MTHFD1L: variants seen among roughly 807,000 people sequenced by gnomAD.
The protein encoded by MTHFD1L is monofunctional C1-tetrahydrofolate synthase, mitochondrial.
Under a neutral mutation model 119.5 loss-of-function variants are expected in MTHFD1L, and 81 were observed. The ratio of observed to expected loss-of-function variants is 0.68; its 90% CI spans 0.57 to 0.82. The LOEUF (loss-of-function observed/expected upper bound fraction) is 0.82. MTHFD1L is among the 40% of genes least tolerant of loss of function. MTHFD1L has a pLI of 0.00. For missense variants in MTHFD1L, 1,125 were observed against 1,253.4 expected (o/e 0.90, Z 1.55); for synonymous variants, 430 against 475.2 (o/e 0.90, Z 1.24).
At chr6:151,042,998 G>A (rs557505456) in intron 26 of MTHFD1L, among the ~76,000 whole-genome samples, 3 of 152,288 alleles carry the variant, frequency 2.0e-5, no homozygotes, top group African/African-American at 7.2e-5. Context: ...GCCATCACCT[G>A]GCCGGTCCTG....
intron 27 of MTHFD1L, among the ~76,000 whole-genome samples, chr6:151,098,679 C>A (rs890543892): frequency 6.6e-6 from 1 of 152,170 alleles, no homozygotes; most frequent in Non-Finnish European, 1.5e-5. Context: ...TTCTTATTCC[C>A]ATGCCAGAAT....
intron 5 of MTHFD1L, among the ~76,000 whole-genome samples, chr6:150,884,048 G>A (rs999154092): frequency 6.6e-6 from 1 of 151,882 alleles, no homozygotes; most frequent in African/African-American, 2.4e-5. Context: ...GCTCACACCT[G>A]TAATCCTAGC....
intron 8 of MTHFD1L, among the ~76,000 whole-genome samples, chr6:150,909,002 G>A (rs1786405983): frequency 6.6e-6 from 1 of 152,010 alleles, no homozygotes. Context: ...TTACCTTCAT[G>A]GTACAGAGTC....
chr6:150,917,136 T>A (rs1256050812), intron 8 of MTHFD1L, among the ~76,000 whole-genome samples: 1 of 152,142 alleles, frequency 6.6e-6, no homozygotes, highest in African/African-American at 2.4e-5. Context: ...CTTTGACCAG[T>A]CTTACCCTGT....
chr6:150,957,957 T>A (rs1795883432), intron 17 of MTHFD1L, among the ~76,000 whole-genome samples: 1 of 152,154 alleles, frequency 6.6e-6, no homozygotes, highest in South Asian at 2.1e-4. Context: ...CTCTGCATAG[T>A]TTTTTACTGT....
rs575297806 is a variant in MTHFD1L at position 151,030,775 on chromosome 6, A to G, written c.2587-3718A>G. 6.6e-5 allele frequency among the ~76,000 whole-genome samples: 10 copies of G among 152,344 alleles called. No homozygotes were observed. The South Asian group carries it at 1.9e-3, about 28-fold the overall frequency. ...TTCAACTGTATAGGGAGGGCCTTGT[A>G]TATATTCCAGGGGCTGTATCCTATC... On this transcript the variant is annotated intron_variant, in intron 24 of 27. Transcript: ENST00000367321.
chr6:151,043,698 T>A (rs573163845), intron 26 of MTHFD1L, among the ~76,000 whole-genome samples: 5 of 152,280 alleles, frequency 3.3e-5, no homozygotes, highest in Non-Finnish European at 1.5e-5. Flanking sequence ...GAACTTAGAA[T>A]ACGCACCCTT....
At chr6:150,942,892 A>G (rs937619607) in intron 13 of MTHFD1L, among the ~76,000 whole-genome samples, 1 of 152,218 alleles carries the variant, frequency 6.6e-6, no homozygotes, top group African/African-American at 2.4e-5. Context: ...ATTATTTCTT[A>G]GTCTAAAAGT....
At chr6:151,022,098 C>T (rs369550005) in intron 24 of MTHFD1L, 8 of 470,714 alleles carry the variant, frequency 1.7e-5, no homozygotes, top group South Asian at 6.2e-5. Flanking sequence ...AGCCTGGAGC[C>T]GCAGCCAGCT....
At chr6:150,974,133 G>A (rs9478879) in intron 20 of MTHFD1L, among the ~76,000 whole-genome samples, 29,282 of 152,130 alleles carry the variant, frequency 0.19, 2,914 homozygotes, top group Middle Eastern at 0.3. Context: ...CTGCTTTCAA[G>A]TCACAGATAA....
chr6:151,089,340 G>A (rs1002541622), intron 26 of MTHFD1L, among the ~76,000 whole-genome samples: 5 of 152,214 alleles, frequency 3.3e-5, no homozygotes, highest in Non-Finnish European at 4.4e-5. Flanking sequence ...AGTGGCTCAC[G>A]CCTGTAATCC....
chr6:151,080,719 A>G (rs1584420429), intron 26 of MTHFD1L, among the ~76,000 whole-genome samples: 1 of 152,128 alleles, frequency 6.6e-6, no homozygotes, highest in Admixed American at 6.5e-5. Flanking sequence ...TGGAGGCGGG[A>G]AGTCCAAGAT....
At chr6:150,876,280 C>T in intron 2 of MTHFD1L, 106 bp downstream of exon 2, 1 of 911,932 alleles carries the variant, frequency 1.1e-6, no homozygotes, top group Non-Finnish European at 1.6e-6. Context: ...GAGGAGAGGG[C>T]TCAGTTGGCA....
At chr6:151,062,653 A>G (rs764435688) in intron 26 of MTHFD1L, among the ~76,000 whole-genome samples, 9 of 152,194 alleles carry the variant, frequency 5.9e-5, no homozygotes, top group Non-Finnish European at 1.2e-4. Context: ...AACCCTTTGG[A>G]TATGGGAAAT....
At chr6:150,916,562 C>G (rs1166059204) in intron 8 of MTHFD1L, among the ~76,000 whole-genome samples, 1 of 141,058 alleles carries the variant, frequency 7.1e-6, no homozygotes, top group South Asian at 2.3e-4. Flanking sequence ...CTCCTGACCT[C>G]AGGTGATCCA....
At chr6:151,018,923 G>A (rs889307783) in intron 24 of MTHFD1L, among the ~76,000 whole-genome samples, 2 of 152,238 alleles carry the variant, frequency 1.3e-5, no homozygotes, top group East Asian at 3.8e-4. Context: ...AGAGGCGGTA[G>A]AGATCAATTG....
At chr6:151,099,369 C>T (rs1054863545) in intron 27 of MTHFD1L, among the ~76,000 whole-genome samples, 9 of 152,058 alleles carry the variant, frequency 5.9e-5, no homozygotes, top group African/African-American at 2.2e-4. Flanking sequence ...CCTAGCACCC[C>T]TCCTGTCCCA....
At chr6:150,897,767 C>T (rs1426204465) in intron 7 of MTHFD1L, among the ~76,000 whole-genome samples, 1 of 152,190 alleles carries the variant, frequency 6.6e-6, no homozygotes, top group Non-Finnish European at 1.5e-5. Flanking sequence ...TGCTTTTCTG[C>T]ACTATCAGCA....
rs755298070 is a variant in MTHFD1L at position 150,918,686 on chromosome 6, G to C, written c.984+18G>C. The stretch of plus-strand genomic sequence containing the variant: ...GAATTCAGGTTTGTTCAACATAGCT[G>C]TCTGAGAATCTTGAGTTTGGAAGTT... On this transcript the variant is annotated intron_variant, in intron 9 of 27. Transcript: ENST00000367321. 6.3e-7 allele frequency: 1 copy of C among 1,598,994 alleles called. No individual in the cohort carries two copies. Among genetic ancestry groups the C allele is most frequent in the East Asian group, 2.2e-5 (1 of 44,812 alleles).
Sources: allele counts gnomAD v4.1 joint callset (sites outside exome capture counted in the v4.1 genomes callset), GRCh38; gene constraint gnomAD v4.1.1; transcripts MANE v1.5; gene names NCBI Gene and HGNC (gene_info 2026-07-23, HGNC 2026-07-21).